Variants in TMEM178B observed in about 807,000 individuals in gnomAD.
TMEM178B encodes the protein transmembrane protein 178B.
In TMEM178B, 5 loss-of-function variants were observed where a neutral mutation model predicts 31.0. The observed-to-expected ratio is 0.16, with a 90% CI of 0.08 to 0.34. The LOEUF is 0.34. Ranked by LOEUF, TMEM178B falls within the 10% of genes least tolerant of loss-of-function variation. The pLI is 1.00. For missense variants in TMEM178B, 275 were observed against 400.3 expected (o/e 0.69, Z 2.67); for synonymous variants, 164 against 164.0 (o/e 1.00, Z 0.00).
intron 1 of TMEM178B, among the ~76,000 whole-genome samples, chr7:141,198,157 C>T (rs184182975): frequency 1.4e-4 from 22 of 151,952 alleles, no homozygotes; most frequent in South Asian, 8.3e-4. Context: ...TTTTTTTTCC[C>T]TAGCTGAAAC....
chr7:141,424,560 T>G lies in TMEM178B; in HGVS notation c.497-13048T>G, dbSNP rs186076867. On this transcript the variant is annotated intron_variant, in intron 2 of 3. Coordinates refer to ENST00000565468, the MANE Select transcript of TMEM178B (RefSeq NM_001195278.2). Reference sequence around the variant, plus strand: ...TTGCCTCATGATCCGTGCTTGGAATTTTTTAAAAACAATAAAGCTCACATC... The same window carrying G: ...TTGCCTCATGATCCGTGCTTGGAATGTTTTAAAAACAATAAAGCTCACATC... 1.7e-3 allele frequency among the ~76,000 whole-genome samples: 256 copies of G among 152,340 alleles called. 1 individual carries two copies. The highest frequency in any genetic ancestry group is 5.9e-3 in the African/African-American group (244 of 41,582).
the TMEM178B span, among the ~76,000 whole-genome samples, chr7:141,485,384 G>C: frequency 6.6e-6 from 1 of 152,138 alleles, no homozygotes; most frequent in Non-Finnish European, 1.5e-5. Context: ...TTGTAACTTT[G>C]GGCAAGATAT....
intron 2 of TMEM178B, among the ~76,000 whole-genome samples, chr7:141,337,024 C>T (rs1004883768): frequency 1.1e-5 from 1 of 87,454 alleles, no homozygotes; most frequent in Non-Finnish European, 2.2e-5. Flanking sequence ...CCATCACCAC[C>T]ATCACCACCA....
intron 2 of TMEM178B, among the ~76,000 whole-genome samples, chr7:141,341,185 G>A (rs1301499698): frequency 6.6e-6 from 1 of 152,140 alleles, no homozygotes; most frequent in Admixed American, 6.5e-5. Flanking sequence ...CTGCTTGCCG[G>A]TTGTTGTTTC....
chr7:141,323,327 A>G (rs1033686027), intron 2 of TMEM178B, among the ~76,000 whole-genome samples: 3 of 152,354 alleles, frequency 2.0e-5, no homozygotes, highest in African/African-American at 7.2e-5. Flanking sequence ...AAATACATGT[A>G]CATACAAATG....
chr7:141,406,795 A>G (rs1800893628), intron 2 of TMEM178B, among the ~76,000 whole-genome samples: 1 of 152,212 alleles, frequency 6.6e-6, no homozygotes, highest in African/African-American at 2.4e-5. Context: ...AGATCCTATA[A>G]CAAGCGCCAC....
At chr7:141,303,742 T>A (rs990410717) in intron 2 of TMEM178B, among the ~76,000 whole-genome samples, 11 of 152,122 alleles carry the variant, frequency 7.2e-5, no homozygotes, top group Non-Finnish European at 1.6e-4. Flanking sequence ...GTTTTGGGGG[T>A]AAGAAAATGC....
At chr7:141,421,192 C>A (rs1342423723) in intron 2 of TMEM178B, among the ~76,000 whole-genome samples, 1 of 152,158 alleles carries the variant, frequency 6.6e-6, no homozygotes, top group African/African-American at 2.4e-5. Flanking sequence ...TAAGAACATA[C>A]TCTTTAGGCC....
chr7:141,270,951 C>T lies in TMEM178B; in HGVS notation c.496+58247C>T, dbSNP rs552626476. 5.4e-4 allele frequency among the ~76,000 whole-genome samples: 82 copies of T among 152,320 alleles called. 1 individual carries two copies. The South Asian group carries it at 0.017, about 31-fold the overall frequency. ...TACATTTCTGCTGTACCATCTTCAA[C>T]ATTGTGGATGGTAGTACTAGCTGAC... On this transcript the variant is annotated intron_variant, in intron 2 of 3. Coordinates refer to ENST00000565468, the MANE Select transcript of TMEM178B (RefSeq NM_001195278.2).
At chr7:141,224,181 C>T (rs939147549) in intron 2 of TMEM178B, among the ~76,000 whole-genome samples, 10 of 152,112 alleles carry the variant, frequency 6.6e-5, no homozygotes, top group African/African-American at 1.7e-4. Flanking sequence ...GTGAGGCCTC[C>T]GTAGTCATGT....
chr7:141,465,670 A>G (rs1802136629), intron 3 of TMEM178B, among the ~76,000 whole-genome samples: 2 of 152,218 alleles, frequency 1.3e-5, no homozygotes, highest in Admixed American at 1.3e-4. Context: ...AAATCTAATT[A>G]TTAGTACACA....
At chr7:141,309,333 A>G (rs1798868989) in intron 2 of TMEM178B, among the ~76,000 whole-genome samples, 1 of 152,140 alleles carries the variant, frequency 6.6e-6, no homozygotes, top group Admixed American at 6.6e-5. Flanking sequence ...ATAGCATGTG[A>G]ATTTTCCATT....
intron 2 of TMEM178B, among the ~76,000 whole-genome samples, chr7:141,426,358 A>G (rs1478408692): frequency 2.0e-5 from 3 of 152,218 alleles, no homozygotes; most frequent in South Asian, 2.1e-4. Flanking sequence ...GCTTAAATTT[A>G]TTGGTGAGAG....
intron 1 of TMEM178B, among the ~76,000 whole-genome samples, chr7:141,113,401 T>C (rs571620619): frequency 2.0e-5 from 3 of 152,244 alleles, no homozygotes; most frequent in Non-Finnish European, 2.9e-5. Flanking sequence ...TTGAAAACCA[T>C]TGGACTTGAA....
chr7:141,160,869 T>G (rs187745659), intron 1 of TMEM178B, among the ~76,000 whole-genome samples: 3 of 152,304 alleles, frequency 2.0e-5, no homozygotes, highest in African/African-American at 7.2e-5. Flanking sequence ...TTTTCTTTGT[T>G]TTTTTGAGAC....
chr7:141,340,549 G>A (rs183447258), intron 2 of TMEM178B, among the ~76,000 whole-genome samples: 6 of 152,190 alleles, frequency 3.9e-5, no homozygotes, highest in East Asian at 1.9e-4. Context: ...GTCAAAAGTC[G>A]CCTATATCAA....
chr7:141,333,446 G>A (rs927165098), intron 2 of TMEM178B, among the ~76,000 whole-genome samples: 4 of 152,234 alleles, frequency 2.6e-5, no homozygotes, highest in African/African-American at 9.6e-5. Flanking sequence ...GTTGTTAGGA[G>A]CTGAATATTT....
chr7:141,334,393 C>G (rs1799348894), intron 2 of TMEM178B, among the ~76,000 whole-genome samples: 1 of 152,180 alleles, frequency 6.6e-6, no homozygotes, highest in Admixed American at 6.5e-5. Context: ...TATTGTGAGT[C>G]TGGTACTACG....
chr7:141,238,957 G>C (rs1380442195), intron 2 of TMEM178B, among the ~76,000 whole-genome samples: 1 of 152,204 alleles, frequency 6.6e-6, no homozygotes, highest in Non-Finnish European at 1.5e-5. Flanking sequence ...GCTCTTGGCT[G>C]TCAGGATTTC....
Sources: allele counts gnomAD v4.1 joint callset (sites outside exome capture counted in the v4.1 genomes callset), GRCh38; gene constraint gnomAD v4.1.1; transcripts MANE v1.5; gene names NCBI Gene and HGNC (gene_info 2026-07-23, HGNC 2026-07-21).